LONRF2: variants seen among roughly 807,000 people sequenced by gnomAD.
LONRF2 encodes LON peptidase N-terminal domain and RING finger protein 2.
LONRF2 carries 35 observed loss-of-function variants against 66.6 expected under a neutral mutation model. The observed-to-expected ratio is 0.53, with a 90% CI of 0.40 to 0.70. LONRF2 has a LOEUF of 0.70. LONRF2 is among the 30% of genes least tolerant of loss of function. The probability of loss-of-function intolerance (pLI) is 0.00; values close to 1 mark genes in which losing one functional copy is unlikely to be tolerated. For synonymous variants in LONRF2, 417 were observed against 418.1 expected, an observed-to-expected ratio of 1.00 and a Z score of 0.03; for missense variants, 902 against 1,002.1, an observed-to-expected ratio of 0.90 and a Z score of 1.35.
intron 1 of LONRF2, among the ~76,000 whole-genome samples, chr2:100,310,909 C>A (rs1025411117): frequency 2.6e-5 from 4 of 152,172 alleles, no homozygotes; most frequent in African/African-American, 9.6e-5. Flanking sequence ...TACAGATAAA[C>A]TAATGAGAAG....
chr2:100,296,675 C>T (rs1426239728), intron 7 of LONRF2, among the ~76,000 whole-genome samples: 3 of 152,204 alleles, frequency 2.0e-5, no homozygotes, highest in Admixed American at 6.5e-5. Context: ...ACCACCATCA[C>T]AGGGTAACTG....
chr2:100,287,061 C>T lies in LONRF2; in HGVS notation c.1923G>A (p.Val641=), dbSNP rs769466624. ...ADIEYLEDEK[V]EGPEYEELAA... ...CAAGTTCTTCATACTCTGGACCCTC[C>T]ACCTGATCAGGGAAAGAGGCACAGC... Residue 641 remains valine (V), a splice_region_variant and synonymous_variant, in exon 11 of 12, where the codon GTG becomes GTA. Coordinates refer to ENST00000393437, the MANE Select transcript of LONRF2 (RefSeq NM_198461.4). 1.8e-5 allele frequency: 29 copies of T among 1,613,258 alleles called. No homozygotes were observed. The highest frequency in any genetic ancestry group is 2.3e-5 in the Non-Finnish European group (27 of 1,179,700).
In LONRF2 at chr2:100,284,445, C is replaced by G. The variant is rs768429937; in HGVS notation, c.2118G>C (p.Leu706=). ...PAWSWWILAV[L]PLERKAQLAI... is the part of the protein sequence containing the mutation. Reference sequence around the variant, plus strand: ...CCAGCTGAGCCTTGCGCTCCAGGGGCAGCACGGCCAGGATCCACCAGGACC... The same window carrying G: ...CCAGCTGAGCCTTGCGCTCCAGGGGGAGCACGGCCAGGATCCACCAGGACC... Residue 706 remains leucine (L), a synonymous_variant, in exon 12 of 12, where the codon CTG becomes CTC. Coordinates refer to ENST00000393437, the MANE Select transcript of LONRF2 (RefSeq NM_198461.4). 1.9e-6 allele frequency: 3 copies of G among 1,608,536 alleles called. No individual in the cohort carries two copies. Among genetic ancestry groups the G allele is most frequent in the South Asian group, 1.1e-5 (1 of 89,460 alleles).
intron 2 of LONRF2, 65 bp from the exon 3 acceptor site, chr2:100,303,108 A>T: frequency 7.2e-7 from 1 of 1,390,534 alleles, no homozygotes; most frequent in Non-Finnish European, 9.6e-7. Flanking sequence ...TTGAATACAA[A>T]CTTCCCTGAA....
chr2:100,296,319 G>A (rs1675066131), intron 7 of LONRF2, among the ~76,000 whole-genome samples: 1 of 152,188 alleles, frequency 6.6e-6, no homozygotes, highest in South Asian at 2.1e-4. Flanking sequence ...GCACATCAGG[G>A]ACCACTGCAG....
In LONRF2 at chr2:100,281,933, G is replaced by T. The variant is rs915893272; in HGVS notation, c.*2365C>A. The T allele has an allele frequency of 6.6e-6, 1 of 151,568 alleles. No homozygotes were observed. The highest frequency in any genetic ancestry group is 6.6e-5 in the Admixed American group (1 of 15,208). 9.4% of individuals were successfully genotyped at this position (151,568 alleles called of 1,614,324 possible). ...GGGAGGCTTCCTTCATGATATGACC[G>T]TAGGATGCTGTCACCCTGACCCGGT... On this transcript the variant is annotated 3_prime_UTR_variant, in exon 12 of 12. Coordinates refer to ENST00000393437, the MANE Select transcript of LONRF2 (RefSeq NM_198461.4).
intron 1 of LONRF2, among the ~76,000 whole-genome samples, chr2:100,319,960 CA>C (rs1388488579): frequency 1.3e-5 from 2 of 152,188 alleles, no homozygotes; most frequent in Non-Finnish European, 2.9e-5. Context: ...TCACAGTTTT[CA>C]TTTTTCTACA....
At chr2:100,285,115 C>T (rs1472861984) in intron 11 of LONRF2, among the ~76,000 whole-genome samples, 1 of 152,222 alleles carries the variant, frequency 6.6e-6, no homozygotes, top group Non-Finnish European at 1.5e-5. Flanking sequence ...ATTCTTAGTA[C>T]TGGAACCAAG....
chr2:100,311,928 T>C lies in LONRF2; in HGVS notation c.680-2703A>G, dbSNP rs1675418192. ...CTTAACTCCTATTACACTGCTGGAC[T>C]CAAAATACTAAGAAATTTAATTAGG... On this transcript the variant is annotated intron_variant, in intron 1 of 11. Transcript: ENST00000393437. 2.0e-5 allele frequency among the ~76,000 whole-genome samples: 3 copies of C among 152,178 alleles called. 1 individual carries two copies. The South Asian group carries it at 6.2e-4, about 32-fold the overall frequency.
intron 1 of LONRF2, among the ~76,000 whole-genome samples, chr2:100,314,759 T>TC (rs1331498203): frequency 6.6e-6 from 1 of 152,142 alleles, no homozygotes; most frequent in South Asian, 2.1e-4. Flanking sequence ...GACTCTTTTT[T>TC]CCCCATTGAA....
intron 9 of LONRF2, among the ~76,000 whole-genome samples, chr2:100,293,644 G>A (rs116457862): frequency 4.6e-5 from 7 of 152,234 alleles, no homozygotes; most frequent in East Asian, 1.9e-4. Flanking sequence ...GACGTGAAAC[G>A]AGGGGAGGTG....
intron 10 of LONRF2, among the ~76,000 whole-genome samples, chr2:100,289,745 T>G (rs1674920308): frequency 6.6e-6 from 1 of 152,150 alleles, no homozygotes; most frequent in African/African-American, 2.4e-5. Flanking sequence ...CAGATCATTT[T>G]TTTAAAAGGA....
intron 10 of LONRF2, 45 bp downstream of exon 10, chr2:100,290,213 G>A (rs780618762): frequency 5.1e-6 from 8 of 1,553,718 alleles, no homozygotes; most frequent in South Asian, 1.2e-5. Context: ...AAAGGGAAGC[G>A]AGAGGACCGA....
At position 100,284,101 on chromosome 2, in the gene LONRF2, G is replaced by T; in HGVS notation, c.*197C>A. ...AACTATGGGCTCCATTCAGACTTCA[G>T]GCTAACCTCACACAAGGTCAGATCC... On this transcript the variant is annotated 3_prime_UTR_variant, in exon 12 of 12. Coordinates refer to ENST00000393437, the MANE Select transcript of LONRF2 (RefSeq NM_198461.4). 1 of 528,744 alleles carries T rather than the reference G, an allele frequency of 1.9e-6. No individual in the cohort carries two copies. Among genetic ancestry groups the T allele is most frequent in the Non-Finnish European group, 3.3e-6 (1 of 301,630 alleles). The allele number at this position is 528,744 out of a possible 1,614,324, so 32.8% of individuals were successfully genotyped here.
intron 9 of LONRF2, 61 bp from the exon 10 acceptor site, chr2:100,290,481 C>A (rs1272411704): frequency 1.5e-5 from 22 of 1,507,252 alleles, no homozygotes; most frequent in Non-Finnish European, 2.0e-5. Context: ...CTTCTTTTTC[C>A]CTGGATGAGA....
At chr2:100,303,301 T>C (rs920743657) in intron 2 of LONRF2, among the ~76,000 whole-genome samples, 3 of 152,160 alleles carry the variant, frequency 2.0e-5, no homozygotes. Context: ...TCAAAGGAGT[T>C]CTAAGGGACG....
Position 100,300,723 on chromosome 2 carries a change from T to C in LONRF2, c.986A>G (p.Gln329Arg), listed in dbSNP as rs1195478907. ...GTGACCCTGAGCCTTTAATCTGCTTTGGATGGAAGATGTTAAATTTTCATG... is the reference window on the plus strand; with the variant it reads ...GTGACCCTGAGCCTTTAATCTGCTTCGGATGGAAGATGTTAAATTTTCATG... Reference protein sequence around the residue: ...NVHENLTSSIQSRLKAQGHSH... With the variant: ...NVHENLTSSIRSRLKAQGHSH... The change falls in exon 4 of 12, where the codon CAA (glutamine) becomes CGA (arginine). Residue 329 changes from glutamine (Q) to arginine (R), a missense_variant. By Grantham distance (43) the Gln-to-Arg change is conservative (BLOSUM62 1). This residue lies in a region of LONRF2 where 585 missense variants were observed against 569.9 expected (regional missense o/e 1.03). Coordinates refer to ENST00000393437, the MANE Select transcript of LONRF2 (RefSeq NM_198461.4). 2.1e-5 allele frequency: 34 copies of C among 1,613,582 alleles called. No homozygotes were observed. Among genetic ancestry groups the C allele is most frequent in the Non-Finnish European group, 2.6e-5 (31 of 1,179,868 alleles).
chr2:100,303,093 T>C (rs1227885248), intron 2 of LONRF2, 50 bp from the exon 3 acceptor site: 2 of 1,492,350 alleles, frequency 1.3e-6, no homozygotes, highest in East Asian at 2.4e-5. Flanking sequence ...AGCATGATTA[T>C]ATACTTGAAT....
intron 5 of LONRF2, 85 bp downstream of exon 5, chr2:100,299,631 TA>T: frequency 9.2e-7 from 1 of 1,082,712 alleles, no homozygotes; most frequent in East Asian, 2.6e-5. Flanking sequence ...TTAAATGTTG[TA>T]AAAATTTAAA....
Sources: gnomAD v4.1 joint callset for allele counts (sites outside exome capture counted in the v4.1 genomes callset) on GRCh38, gnomAD v4.1.1 for gene constraint, gnomAD v4.1.1 regional missense constraint, MANE v1.5 for transcripts, NCBI Gene and HGNC (gene_info 2026-07-23, HGNC 2026-07-21) for gene names.